The following TENM2 variants were observed in gnomAD, a reference collection of about 807,000 sequenced individuals.
TENM2 encodes the protein teneurin transmembrane protein 2.
Under a neutral mutation model 245.2 loss-of-function variants are expected in TENM2, and 52 were observed. The ratio of observed to expected loss-of-function variants is 0.21; its 90% CI spans 0.17 to 0.27. TENM2 has a LOEUF of 0.27. Ranked by LOEUF, TENM2 falls within the 10% of genes least tolerant of loss-of-function variation. The pLI, the probability that TENM2 is intolerant of heterozygous loss-of-function variation, is 1.00. For synonymous variants in TENM2, 1,363 were observed against 1,438.9 expected (o/e 0.95, Z 1.19); for missense variants, 3,046 against 3,666.8 (o/e 0.83, Z 4.37).
At chr5:167,273,231 G>A in the TENM2 span, among the ~76,000 whole-genome samples, 6 of 152,150 alleles carry the variant, frequency 3.9e-5, no homozygotes, top group Admixed American at 2.0e-4. Flanking sequence ...CAGTGTGAAC[G>A]CTCTTCAAGG....
chr5:167,936,364 T>C (rs2151737632), intron 3 of TENM2, among the ~76,000 whole-genome samples: 1 of 152,358 alleles, frequency 6.6e-6, no homozygotes, highest in South Asian at 2.1e-4. Flanking sequence ...TTTAAATGAA[T>C]GTAAATACAA....
intron 2 of TENM2, among the ~76,000 whole-genome samples, chr5:167,429,047 C>G (rs1764047674): frequency 6.6e-6 from 1 of 152,074 alleles, no homozygotes; most frequent in Non-Finnish European, 1.5e-5. Flanking sequence ...GTTTTTTTCT[C>G]TCTCCTGGCA....
At chr5:168,032,314 T>G (rs1787217659) in intron 5 of TENM2, among the ~76,000 whole-genome samples, 1 of 152,248 alleles carries the variant, frequency 6.6e-6, no homozygotes, top group African/African-American at 2.4e-5. Context: ...CTATGATTCT[T>G]ACTGAAAATT....
At chr5:167,402,961 A>G (rs970455619) in intron 2 of TENM2, among the ~76,000 whole-genome samples, 1 of 152,112 alleles carries the variant, frequency 6.6e-6, no homozygotes, top group Admixed American at 6.6e-5. Context: ...AAAGAAGTAT[A>G]TGCTTAAAGC....
intron 3 of TENM2, among the ~76,000 whole-genome samples, chr5:167,905,578 C>T (rs1776029606): frequency 6.6e-6 from 1 of 152,104 alleles, no homozygotes. Flanking sequence ...AAATTTAGCA[C>T]TCAAGGCACT....
At chr5:167,276,352 T>TGTGTGTG in the TENM2 span, among the ~76,000 whole-genome samples, 67 of 34,232 alleles carry the variant, frequency 2.0e-3, 2 homozygotes, top group Admixed American at 3.8e-3. Context: ...CCTGTTCATT[T>TGTGTGTG]TGTGTGTGTG....
chr5:168,204,211 C>T (rs1762167750), intron 18 of TENM2, among the ~76,000 whole-genome samples, 161 bp from the exon 21 acceptor site: 1 of 152,034 alleles, frequency 6.6e-6, no homozygotes, highest in Admixed American at 6.6e-5. Context: ...ATTTGGGGTC[C>T]ACCTCTCCCA....
chr5:168,096,140 C>G (rs1297243712), intron 8 of TENM2, among the ~76,000 whole-genome samples: 1 of 152,168 alleles, frequency 6.6e-6, no homozygotes, highest in East Asian at 1.9e-4. Context: ...ATCGCTGTCT[C>G]CCAAGGCTGT....
intron 2 of TENM2, among the ~76,000 whole-genome samples, chr5:167,722,875 T>G (rs1041233840): frequency 6.6e-6 from 1 of 152,214 alleles, no homozygotes; most frequent in African/African-American, 2.4e-5. Context: ...CTCCTAAATA[T>G]CAGAAAATGT....
chr5:167,012,522 G>A, the TENM2 span, among the ~76,000 whole-genome samples: 2 of 152,200 alleles, frequency 1.3e-5, no homozygotes, highest in Non-Finnish European at 2.9e-5. Context: ...TTAGTGTAGG[G>A]AAGAACTGTC....
At chr5:167,457,045 G>A (rs369101932) in intron 2 of TENM2, among the ~76,000 whole-genome samples, 2 of 152,058 alleles carry the variant, frequency 1.3e-5, no homozygotes, top group Non-Finnish European at 1.5e-5. Flanking sequence ...TCTTACCTTA[G>A]ACAAAAATGT....
intron 2 of TENM2, among the ~76,000 whole-genome samples, chr5:167,701,187 C>G (rs1005414944): frequency 1.3e-5 from 2 of 152,060 alleles, no homozygotes; most frequent in Non-Finnish European, 2.9e-5. Context: ...TTTTTGTATT[C>G]TAGCTATTAC....
intron 2 of TENM2, among the ~76,000 whole-genome samples, chr5:167,399,505 TC>T (rs1198022385): frequency 6.6e-6 from 1 of 152,100 alleles, no homozygotes; most frequent in African/African-American, 2.4e-5. Context: ...TTTCACAAAA[TC>T]CCTGCCCCCA....
the TENM2 span, among the ~76,000 whole-genome samples, chr5:167,170,709 G>T: frequency 1.3e-5 from 2 of 151,860 alleles, no homozygotes; most frequent in Non-Finnish European, 2.9e-5. Flanking sequence ...TTCGTTTTCT[G>T]TTGAACCCAC....
At chr5:167,603,526 A>G (rs1028230618) in intron 2 of TENM2, among the ~76,000 whole-genome samples, 5 of 152,184 alleles carry the variant, frequency 3.3e-5, no homozygotes, top group African/African-American at 9.6e-5. Flanking sequence ...CTACAAAACA[A>G]TAAAATTAGC....
chr5:168,260,364 T>C, exon 28 of TENM2: 1 of 1,613,972 alleles, frequency 6.2e-7, no homozygotes, highest in Non-Finnish European at 8.5e-7. Context: ...ATGTATTTCG[T>C]GCCTCCTCCC....
At chr5:167,812,990 G>T (rs572820176) in intron 2 of TENM2, among the ~76,000 whole-genome samples, 10 of 152,136 alleles carry the variant, frequency 6.6e-5, no homozygotes, top group Non-Finnish European at 1.2e-4. Flanking sequence ...AATTTATCAG[G>T]CCAGAAAGTT....
At chr5:167,310,366 T>C (rs1163932746) in intron 1 of TENM2, among the ~76,000 whole-genome samples, 1 of 152,202 alleles carries the variant, frequency 6.6e-6, no homozygotes, top group Non-Finnish European at 1.5e-5. Flanking sequence ...TATTGCTTTA[T>C]TCAGAGCCAA....
intron 2 of TENM2, among the ~76,000 whole-genome samples, chr5:167,517,065 T>C (rs1770430674): frequency 6.6e-6 from 1 of 152,204 alleles, no homozygotes; most frequent in African/African-American, 2.4e-5. Context: ...TCTCTCTTTG[T>C]CAGTGAACCT....
Sources: gnomAD v4.1 joint callset for allele counts (sites outside exome capture counted in the v4.1 genomes callset) on GRCh38, gnomAD v4.1.1 for gene constraint, MANE v1.5 for transcripts, NCBI Gene and HGNC (gene_info 2026-07-23, HGNC 2026-07-21) for gene names.